PDE4B: variants seen among roughly 807,000 people sequenced by gnomAD.
PDE4B encodes the protein phosphodiesterase 4B.
In PDE4B, 20 loss-of-function variants were observed where a neutral mutation model predicts 82.2. The ratio of observed to expected loss-of-function variants is 0.24; its 90% CI spans 0.17 to 0.35. The LOEUF (loss-of-function observed/expected upper bound fraction) is 0.35. Among genes scored for constraint, PDE4B ranks in the 10% least tolerant of loss-of-function variants. PDE4B has a pLI of 1.00. For missense variants in PDE4B, 655 were observed against 907.2 expected (o/e 0.72, Z 3.57); for synonymous variants, 320 against 318.9 (o/e 1.00, Z -0.04).
chr1:65,871,890 A>AT (rs1646577467), intron 1 of PDE4B, among the ~76,000 whole-genome samples: 1 of 152,178 alleles, frequency 6.6e-6, no homozygotes, highest in African/African-American at 2.4e-5. Flanking sequence ...TTTGAATATG[A>AT]TTTTCAACTC....
chr1:66,097,862 G>T (rs1288370355), intron 3 of PDE4B, among the ~76,000 whole-genome samples: 2 of 139,020 alleles, frequency 1.4e-5, no homozygotes, highest in African/African-American at 2.6e-5. Flanking sequence ...TTGCTGCTGG[G>T]TTTTTTTTTT....
chr1:66,192,330 T>C (rs1253367118), intron 3 of PDE4B, among the ~76,000 whole-genome samples: 1 of 152,144 alleles, frequency 6.6e-6, no homozygotes, highest in Non-Finnish European at 1.5e-5. Flanking sequence ...CATTTGGTAA[T>C]CATAATCCCC....
intron 1 of PDE4B, among the ~76,000 whole-genome samples, chr1:65,837,179 A>G (rs1453459766): frequency 6.6e-6 from 1 of 152,082 alleles, no homozygotes; most frequent in African/African-American, 2.4e-5. Context: ...TTCTATATAT[A>G]CTGCCCTAGA....
At chr1:65,997,272 A>G (rs1651600894) in intron 3 of PDE4B, among the ~76,000 whole-genome samples, 1 of 151,700 alleles carries the variant, frequency 6.6e-6, no homozygotes, top group African/African-American at 2.4e-5. Context: ...TTTTGTAATT[A>G]GAAGTTAGTA....
chr1:66,025,356 A>G (rs1035353325), intron 3 of PDE4B, among the ~76,000 whole-genome samples: 2 of 152,178 alleles, frequency 1.3e-5, no homozygotes, highest in African/African-American at 4.8e-5. Flanking sequence ...AGATGGATAA[A>G]AAGGAGAAGT....
At chr1:66,308,101 G>A (rs1249727940) in intron 7 of PDE4B, among the ~76,000 whole-genome samples, 1 of 152,124 alleles carries the variant, frequency 6.6e-6, no homozygotes, top group African/African-American at 2.4e-5. Context: ...AGACCCACAG[G>A]AGTAAATGGC....
intron 3 of PDE4B, among the ~76,000 whole-genome samples, chr1:66,199,605 T>C (rs146841340): frequency 6.6e-6 from 1 of 152,286 alleles, no homozygotes; most frequent in Admixed American, 6.5e-5. Context: ...TTTGACACGA[T>C]CCCTTTTCAG....
At chr1:66,101,033 C>G (rs1443227175) in intron 3 of PDE4B, among the ~76,000 whole-genome samples, 1 of 152,086 alleles carries the variant, frequency 6.6e-6, no homozygotes. Flanking sequence ...TTCCAGTGTC[C>G]AAGTGTTGTC....
chr1:65,796,877 C>A (rs1349401845), intron 1 of PDE4B, among the ~76,000 whole-genome samples: 2 of 151,944 alleles, frequency 1.3e-5, no homozygotes, highest in Non-Finnish European at 2.9e-5. Flanking sequence ...TCCCGATCTC[C>A]TGACCTCATG....
intron 3 of PDE4B, among the ~76,000 whole-genome samples, chr1:65,924,266 G>A (rs1376591747): frequency 6.8e-6 from 1 of 147,264 alleles, no homozygotes; most frequent in Non-Finnish European, 1.5e-5. Context: ...AGTAGAGACG[G>A]GGTTTCACTG....
At chr1:65,821,310 G>A (rs1645949997) in intron 1 of PDE4B, among the ~76,000 whole-genome samples, 1 of 152,216 alleles carries the variant, frequency 6.6e-6, no homozygotes, top group Non-Finnish European at 1.5e-5. Flanking sequence ...ATGCTGTTAA[G>A]TACAAGGGTG....
chr1:65,880,220 C>G (rs938361375), intron 1 of PDE4B, among the ~76,000 whole-genome samples: 4 of 152,196 alleles, frequency 2.6e-5, no homozygotes, highest in Admixed American at 1.3e-4. Context: ...CTCTGAACAC[C>G]TCTGCTGCTT....
intron 7 of PDE4B, among the ~76,000 whole-genome samples, chr1:66,312,054 T>TTTTTCA (rs1658712005): frequency 6.6e-6 from 1 of 152,224 alleles, no homozygotes; most frequent in Admixed American, 6.5e-5. Context: ...ATCAGGGATC[T>TTTTTCA]ATAAAGCTTT....
At chr1:66,355,462 A>G in intron 8 of PDE4B, 65 bp from the exon 9 acceptor site, 1 of 1,047,298 alleles carries the variant, frequency 9.5e-7, no homozygotes, top group South Asian at 1.4e-5. Context: ...GTAAAGTTGG[A>G]AACATTTAAA....
At chr1:65,961,066 C>T (rs532808786) in intron 3 of PDE4B, among the ~76,000 whole-genome samples, 2 of 152,176 alleles carry the variant, frequency 1.3e-5, no homozygotes, top group South Asian at 2.1e-4. Context: ...ACAGATGAAA[C>T]CTTTGCCCGT....
chr1:66,250,232 C>G (rs1175385405), intron 4 of PDE4B, among the ~76,000 whole-genome samples: 3 of 152,102 alleles, frequency 2.0e-5, no homozygotes, highest in Non-Finnish European at 4.4e-5. Context: ...ATCCAGGAAG[C>G]AAGAAGGGTG....
chr1:66,053,769 G>A (rs973095047), intron 3 of PDE4B, among the ~76,000 whole-genome samples: 3 of 152,166 alleles, frequency 2.0e-5, no homozygotes, highest in Admixed American at 6.5e-5. Flanking sequence ...TGAGGCAGGA[G>A]AATTGCTTGA....
intron 3 of PDE4B, among the ~76,000 whole-genome samples, chr1:65,931,895 G>A (rs1647855719): frequency 6.6e-6 from 1 of 152,238 alleles, no homozygotes; most frequent in African/African-American, 2.4e-5. Context: ...TCTTGGAGCA[G>A]TAATGGAACC....
chr1:65,984,404 T>C (rs77463575), intron 3 of PDE4B, among the ~76,000 whole-genome samples: 1,533 of 152,254 alleles, frequency 0.01, 21 homozygotes, highest in African/African-American at 0.035. Context: ...CTGAACATAT[T>C]GGTAATTGCA....
Sources: allele counts gnomAD v4.1 joint callset (sites outside exome capture counted in the v4.1 genomes callset), GRCh38; gene constraint gnomAD v4.1.1; transcripts MANE v1.5; gene names NCBI Gene and HGNC (gene_info 2026-07-23, HGNC 2026-07-21).